The following MYO7B variants were observed in gnomAD, a reference collection of about 807,000 sequenced individuals.
The protein encoded by MYO7B is myosin VIIB.
A neutral mutation model predicts 259.7 loss-of-function variants in MYO7B; 212 were observed. That is an observed-to-expected ratio of 0.82 (90% CI 0.73 to 0.91). The LOEUF (loss-of-function observed/expected upper bound fraction) is 0.91. Among genes scored for constraint, MYO7B ranks in the 40% least tolerant of loss-of-function variants. The pLI, the probability that MYO7B is intolerant of heterozygous loss-of-function variation, is 0.00. For missense variants in MYO7B, 2,732 were observed against 2,813.5 expected, an observed-to-expected ratio of 0.97 and a Z score of 0.66; for synonymous variants, 1,197 against 1,166.4, an observed-to-expected ratio of 1.03 and a Z score of -0.54.
At chr2:127,547,857 C>T (rs1693295607) in intron 1 of MYO7B, among the ~76,000 whole-genome samples, 2 of 152,136 alleles carry the variant, frequency 1.3e-5, no homozygotes, top group Non-Finnish European at 1.5e-5. Flanking sequence ...AAAGTATTTC[C>T]TCTGCTTCTG....
intron 27 of MYO7B, among the ~76,000 whole-genome samples, chr2:127,621,226 C>T (rs1680821599): frequency 6.6e-6 from 1 of 151,042 alleles, no homozygotes; most frequent in Admixed American, 6.6e-5. Flanking sequence ...TTTTCTTGAG[C>T]ATGTTGGGGA....
intron 2 of MYO7B, among the ~76,000 whole-genome samples, chr2:127,562,602 G>C (rs13407394): frequency 0.04 from 5,779 of 146,206 alleles, 402 homozygotes; most frequent in African/African-American, 0.14. Flanking sequence ...ATTCTCCTGC[G>C]TCAGCCTCCC....
chr2:127,593,019 C>A, intron 17 of MYO7B, 73 bp downstream of exon 17: 1 of 1,527,756 alleles, frequency 6.5e-7, no homozygotes, highest in South Asian at 1.2e-5. Context: ...CTCCAGCCCC[C>A]AGTACCGAGG....
intron 1 of MYO7B, among the ~76,000 whole-genome samples, chr2:127,557,000 T>A (rs993987987): frequency 6.6e-6 from 1 of 152,228 alleles, no homozygotes; most frequent in Non-Finnish European, 1.5e-5. Context: ...AGATTTCTCA[T>A]CTTCCTCAGG....
In MYO7B at chr2:127,590,092, T is replaced by G. The variant is rs1269441842; in HGVS notation, c.1855T>G (p.Ser619Ala). 2 of 1,573,884 alleles carry G rather than the reference T, an allele frequency of 1.3e-6. No individual in the cohort carries two copies. Among genetic ancestry groups the G allele is most frequent in the Non-Finnish European group, 1.7e-6 (2 of 1,160,144 alleles). The part of the protein sequence containing the change: ...QAKAGNHLFK[S>A]ADSNKRPSTL... ...TTGTGCTCTGTGCTTCCATTCACAG[T>G]CTGCAGACTCAAATAAACGGCCCTC... Residue 619 changes from serine (S) to alanine (A), a missense_variant and splice_region_variant, in exon 16 of 48, where the codon TCT becomes GCT. Ser to Ala is a moderately conservative substitution (Grantham distance 99, BLOSUM62 1). Transcript: ENST00000409816. The surrounding 1 kb of genome is among the most constrained non-coding windows in gnomAD (Gnocchi z 4.6).
At chr2:127,567,346 G>A (rs367963317) in intron 5 of MYO7B, among the ~76,000 whole-genome samples, 8 of 152,208 alleles carry the variant, frequency 5.3e-5, no homozygotes, top group African/African-American at 1.7e-4. Flanking sequence ...CAGGCCTCAG[G>A]TGAGGACAGA....
At chr2:127,570,386 G>A (rs1397309085) in intron 6 of MYO7B, among the ~76,000 whole-genome samples, 4 of 152,214 alleles carry the variant, frequency 2.6e-5, no homozygotes, top group Non-Finnish European at 5.9e-5. Flanking sequence ...AGAGGAAGCA[G>A]CTTGGGTCGG....
rs568086777 is a variant in MYO7B at position 127,627,836 on chromosome 2, C to G, written c.4460+526C>G. Reference sequence around the variant, plus strand: ...GTCCCACCCAAGCCCTGCCAGAGCGCCCCTTGGTTGAAGCACACAACAGAG... The same window carrying G: ...GTCCCACCCAAGCCCTGCCAGAGCGGCCCTTGGTTGAAGCACACAACAGAG... On this transcript the variant is annotated intron_variant, in intron 33 of 47. Coordinates refer to ENST00000409816, the MANE Select transcript of MYO7B (RefSeq NM_001393586.1). This position sits in a 1 kb window ranked among gnomAD's most constrained non-coding sequence, Gnocchi z 5.6. 1 of 458,030 alleles carries G rather than the reference C, an allele frequency of 2.2e-6. No individual in the cohort carries two copies. The highest frequency in any genetic ancestry group is 6.9e-5 in the East Asian group (1 of 14,404). The allele number at this position is 458,030 out of a possible 1,614,324, so 28.4% of individuals were successfully genotyped here. A position where few individuals can be genotyped will look rare whatever the true frequency, so the allele number is the denominator to read the frequency against.
chr2:127,618,235 A>G (rs1680661163), intron 26 of MYO7B, among the ~76,000 whole-genome samples: 1 of 152,120 alleles, frequency 6.6e-6, no homozygotes, highest in Admixed American at 6.5e-5. Flanking sequence ...ACTACTTGAG[A>G]CCGTCATTAC....
chr2:127,569,874 G>GAGC lies in MYO7B; in HGVS notation c.562_564dup (p.Gln188dup). The stretch of plus-strand genomic sequence containing the variant: ...CATCAGTGGCCAGCATTCGTGGATT[G>GAGC]AGCAGCAGGTCCTGGAAGCCAACCC... On this transcript the variant is annotated inframe_insertion, in exon 6 of 48. Transcript: ENST00000409816. The GAGC allele has an allele frequency of 6.2e-7, 1 of 1,613,312 alleles. No individual in the cohort carries two copies. Among genetic ancestry groups the GAGC allele is most frequent in the Non-Finnish European group, 8.5e-7 (1 of 1,179,554 alleles).
chr2:127,631,806 C>A lies in MYO7B; in HGVS notation c.5249+53C>A. The A allele has an allele frequency of 3.2e-6, 5 of 1,583,294 alleles. No individual in the cohort carries two copies. The South Asian group carries it at 4.6e-5, about 15-fold the overall frequency. ...CGGGCACCCTCAGTCCTCATCCCGG[C>A]CCCTGAGGCCAGACCGAGGCTCAGA... is the stretch of plus-strand genomic sequence containing the variant. On this transcript the variant is annotated intron_variant, in intron 38 of 47. Coordinates refer to ENST00000409816, the MANE Select transcript of MYO7B (RefSeq NM_001393586.1).
In MYO7B at chr2:127,609,675, G is replaced by A. The variant is rs746926590; in HGVS notation, c.2984G>A (p.Arg995Gln). The A allele has an allele frequency of 9.3e-6, 15 of 1,613,938 alleles. No homozygotes were observed. Among genetic ancestry groups the A allele is most frequent in the African/African-American group, 4.0e-5 (3 of 75,044 alleles). Reference protein sequence around the residue: ...ASHTHIRRPLRYPLLYHEDDT... With the variant: ...ASHTHIRRPLQYPLLYHEDDT... ...CACACACACATCCGGCGGCCCCTCC[G>A]ATACCCGTTGCTTTACCACGAAGAT... Residue 995 changes from arginine (R) to glutamine (Q), a missense_variant, in exon 23 of 48, where the codon CGA becomes CAA. Transcript: ENST00000409816. The surrounding 1 kb of genome is among the most constrained non-coding windows in gnomAD (Gnocchi z 6.9).
intron 26 of MYO7B, 143 bp downstream of exon 26, chr2:127,612,746 G>A: frequency 3.0e-6 from 4 of 1,314,182 alleles, no homozygotes; most frequent in Non-Finnish European, 4.1e-6. Flanking sequence ...GACAGCAGAT[G>A]TCATAGCTAC....
At position 127,636,761 on chromosome 2, in the gene MYO7B, G is replaced by T. The variant is rs773639593; in HGVS notation, c.6208-33G>T. 3.7e-6 allele frequency: 6 copies of T among 1,612,584 alleles called. No homozygotes were observed. Among genetic ancestry groups the T allele is most frequent in the Non-Finnish European group, 5.1e-6 (6 of 1,179,568 alleles). On this transcript the variant is annotated intron_variant, in intron 46 of 47. Transcript: ENST00000409816. This position sits in a 1 kb window ranked among gnomAD's most constrained non-coding sequence, Gnocchi z 4.5. ...ACACACACAGAGCCCGTGCTCTGGA[G>T]GCGTCCGGCCCACCCACCCTCTCTG... is the stretch of plus-strand genomic sequence containing the variant.
At chr2:127,633,420 A>T in intron 40 of MYO7B, 57 bp downstream of exon 40, 4 of 1,545,798 alleles carry the variant, frequency 2.6e-6, no homozygotes, top group Non-Finnish European at 3.5e-6. Context: ...GCCATGGGGC[A>T]TCCTCCTTCC....
At position 127,559,420 on chromosome 2, in the gene MYO7B, T is replaced by C. The variant is rs889371001; in HGVS notation, c.-23-280T>C. On this transcript the variant is annotated intron_variant, in intron 1 of 47. Transcript: ENST00000409816. This position sits in a 1 kb window ranked among gnomAD's most constrained non-coding sequence, Gnocchi z 4.1. ...ATATCTGACCAGTTAAAATTGGGGC[T>C]TCTGGATGACAGGGAACCACCTACT... Among the ~76,000 whole-genome samples the C allele has an allele frequency of 2.6e-5, 4 of 152,168 alleles. No individual in the cohort carries two copies. Among genetic ancestry groups the C allele is most frequent in the African/African-American group, 9.7e-5 (4 of 41,422 alleles).
intron 1 of MYO7B, among the ~76,000 whole-genome samples, chr2:127,547,434 T>A (rs867699567): frequency 2.6e-5 from 4 of 152,058 alleles, no homozygotes; most frequent in Non-Finnish European, 5.9e-5. Context: ...TCATATCAGA[T>A]CAAGTACAGA....
In MYO7B at chr2:127,625,377, C is replaced by G; in HGVS notation, c.4057C>G (p.Leu1353Val). 1.3e-6 allele frequency: 2 copies of G among 1,580,418 alleles called. No homozygotes were observed. Among genetic ancestry groups the G allele is most frequent in the African/African-American group, 1.3e-5 (1 of 74,144 alleles). ...GEYSFEKEEE[L>V]VELLARHCYV... ...GCCCTGGGCTGTGCAGGAGGAAGAG[C>G]TGGTTGAGCTGCTGGCCCGGCACTG... Residue 1353 changes from leucine to valine, a missense_variant, in exon 31 of 48, where the codon CTG becomes GTG. Physicochemically the swap from Leu to Val is conservative, Grantham distance 32 (BLOSUM62 1). Coordinates refer to ENST00000409816, the MANE Select transcript of MYO7B (RefSeq NM_001393586.1).
Position 127,577,337 on chromosome 2 carries a change from C to T in MYO7B, c.849+629C>T, listed in dbSNP as rs963336589. ...TGCCTAGACTTCATGGGTCCCCCAT[C>T]GCCAGTCTTGACCTCTAATCTGTCA... On this transcript the variant is annotated intron_variant, in intron 8 of 47. Transcript: ENST00000409816. The surrounding 1 kb of genome is among the most constrained non-coding windows in gnomAD (Gnocchi z 5.2). Among the ~76,000 whole-genome samples, 4 of 152,176 alleles carry T rather than the reference C, an allele frequency of 2.6e-5. No individual in the cohort carries two copies. Among genetic ancestry groups the T allele is most frequent in the Admixed American group, 6.5e-5 (1 of 15,286 alleles).
Sources: allele counts gnomAD v4.1 joint callset (sites outside exome capture counted in the v4.1 genomes callset), GRCh38; gene constraint gnomAD v4.1.1; non-coding constraint Gnocchi (gnomAD v3.1); transcripts MANE v1.5; gene names NCBI Gene and HGNC (gene_info 2026-07-23, HGNC 2026-07-21).